The following NECTIN1 variants were observed in gnomAD, a reference collection of about 807,000 sequenced individuals.
The protein encoded by NECTIN1 is nectin cell adhesion molecule 1.
NECTIN1 carries 23 observed loss-of-function variants against 48.0 expected under a neutral mutation model. That is an observed-to-expected ratio of 0.48 (90% CI 0.34 to 0.68). The LOEUF (loss-of-function observed/expected upper bound fraction) is 0.68. Ranked by LOEUF, NECTIN1 falls within the 30% of genes least tolerant of loss-of-function variation. The pLI is 0.01. For missense variants in NECTIN1, 591 were observed against 709.9 expected (o/e 0.83, Z 1.90); for synonymous variants, 270 against 288.9 (o/e 0.93, Z 0.66).
At chr11:119,654,548 G>A (rs1428594228) in intron 5 of NECTIN1, among the ~76,000 whole-genome samples, 1 of 14,874 alleles carries the variant, frequency 6.7e-5, no homozygotes, top group Non-Finnish European at 1.9e-4. Context: ...ATGTGTGTGT[G>A]CGTGTGTGTG....
intron 5 of NECTIN1, chr11:119,674,376 A>T: frequency 6.8e-7 from 1 of 1,473,534 alleles, no homozygotes; most frequent in Admixed American, 2.3e-5. Flanking sequence ...AATGATGATG[A>T]TGGAGGTCAG....
Position 119,662,092 on chromosome 11 carries a change from AG to A in NECTIN1, c.*2654del. 1 of 985,498 alleles carries A rather than the reference AG, an allele frequency of 1.0e-6. No individual in the cohort carries two copies. The highest frequency in any genetic ancestry group is 1.2e-6 in the Non-Finnish European group (1 of 829,952). 61.0% of individuals were successfully genotyped at this position (985,498 alleles called of 1,614,324 possible). On this transcript the variant is annotated 3_prime_UTR_variant, in exon 6 of 6. Transcript: ENST00000264025. This position sits in a 1 kb window ranked among gnomAD's most constrained non-coding sequence, Gnocchi z 5.3. ...GGGCAAGGACAGGGAGGGCAACAAG[AG>A]GCAGGATGACAACTGGGGAGGCCTT...
rs1020887072 is a variant in NECTIN1 at position 119,727,793 on chromosome 11, G to A, written c.79+682C>T. On this transcript the variant is annotated intron_variant, in intron 1 of 5. Coordinates refer to ENST00000264025, the MANE Select transcript of NECTIN1 (RefSeq NM_002855.5). The surrounding 1 kb of genome is among the most constrained non-coding windows in gnomAD (Gnocchi z 4.1). Reference sequence around the variant, plus strand: ...ACTTGGATGGCAGGAAGCCCGCGGTGTCTCCTCCAGGGAGAGCCCCCAGAG... The same window carrying A: ...ACTTGGATGGCAGGAAGCCCGCGGTATCTCCTCCAGGGAGAGCCCCCAGAG... 1.1e-4 allele frequency among the ~76,000 whole-genome samples: 17 copies of A among 152,226 alleles called. No homozygotes were observed. Among genetic ancestry groups the A allele is most frequent in the Non-Finnish European group, 2.2e-4 (15 of 68,034 alleles).
At chr11:119,718,039 G>T (rs1343242840) in intron 1 of NECTIN1, among the ~76,000 whole-genome samples, 1 of 152,232 alleles carries the variant, frequency 6.6e-6, no homozygotes, top group African/African-American at 2.4e-5. Flanking sequence ...TCGCTTTGGC[G>T]TCGACACAGA....
intron 1 of NECTIN1, among the ~76,000 whole-genome samples, chr11:119,689,974 A>G (rs918487344): frequency 2.0e-5 from 3 of 152,256 alleles, no homozygotes; most frequent in East Asian, 1.9e-4. Context: ...TCTGGACCCA[A>G]TGAGCGATAC....
chr11:119,638,247 C>G, exon 8 of NECTIN1: 1 of 1,614,014 alleles, frequency 6.2e-7, no homozygotes, highest in Non-Finnish European at 8.5e-7. Context: ...AGGTGGACAA[C>G]CTGGAAGAGA....
At chr11:119,708,699 G>A (rs951139804) in intron 1 of NECTIN1, among the ~76,000 whole-genome samples, 3 of 152,094 alleles carry the variant, frequency 2.0e-5, no homozygotes, top group African/African-American at 4.8e-5. Flanking sequence ...CAGTGGTGAC[G>A]GCCTATTGTG....
chr11:119,699,639 G>A (rs908963237), intron 1 of NECTIN1, among the ~76,000 whole-genome samples: 1 of 152,238 alleles, frequency 6.6e-6, no homozygotes, highest in African/African-American at 2.4e-5. Context: ...ACATGCAAGG[G>A]AGAGTGGCAG....
intron 5 of NECTIN1, among the ~76,000 whole-genome samples, chr11:119,669,171 G>C (rs1864824745): frequency 6.6e-6 from 1 of 152,192 alleles, no homozygotes; most frequent in African/African-American, 2.4e-5. Flanking sequence ...CAGCACTTTG[G>C]GAGGCCGAGG....
chr11:119,699,334 G>A (rs888952008), intron 1 of NECTIN1, among the ~76,000 whole-genome samples: 4 of 149,808 alleles, frequency 2.7e-5, no homozygotes, highest in African/African-American at 2.5e-5. Context: ...TAAGAGTTCC[G>A]ACTGTCCTCA....
chr11:119,675,623 C>A, intron 4 of NECTIN1: 1 of 329,954 alleles, frequency 3.0e-6, no homozygotes, highest in Non-Finnish European at 5.8e-6. Context: ...GAGCTCCAGC[C>A]AATTCTCGGG....
chr11:119,661,942 G>A lies in NECTIN1; in HGVS notation c.*2805C>T, dbSNP rs1864674016. 7 of 985,352 alleles carry A rather than the reference G, an allele frequency of 7.1e-6. No homozygotes were observed. The highest frequency in any genetic ancestry group is 8.4e-6 in the Non-Finnish European group (7 of 829,926). 61.0% of individuals were successfully genotyped at this position (985,352 alleles called of 1,614,324 possible). A position where few individuals can be genotyped will look rare whatever the true frequency, so the allele number is the denominator to read the frequency against. ...CTGAGGTGGTCGCACTTGCAGGCCT[G>A]TGTTCACCTACTCTGTGCTGCTGCT... On this transcript the variant is annotated 3_prime_UTR_variant, in exon 6 of 6. Coordinates refer to ENST00000264025, the MANE Select transcript of NECTIN1 (RefSeq NM_002855.5).
chr11:119,716,823 AG>A (rs1344565466), intron 1 of NECTIN1, among the ~76,000 whole-genome samples: 1 of 152,240 alleles, frequency 6.6e-6, no homozygotes, highest in African/African-American at 2.4e-5. Context: ...TGGCGATCAG[AG>A]TCTAATCAGA....
At chr11:119,706,710 A>C (rs1865553383) in intron 1 of NECTIN1, among the ~76,000 whole-genome samples, 1 of 152,196 alleles carries the variant, frequency 6.6e-6, no homozygotes, top group South Asian at 2.1e-4. Context: ...ATTCCTTCAA[A>C]CTGGAGACCC....
chr11:119,693,917 C>T (rs770616660), intron 1 of NECTIN1, among the ~76,000 whole-genome samples: 4 of 152,166 alleles, frequency 2.6e-5, no homozygotes, highest in Admixed American at 1.3e-4. Context: ...CTAATGACTC[C>T]TCACTCAGAA....
intron 6 of NECTIN1, chr11:119,639,728 T>C: frequency 1.7e-6 from 2 of 1,170,302 alleles, no homozygotes; most frequent in African/African-American, 3.0e-5. Flanking sequence ...AAAGGGTTAG[T>C]TCCTGGTCCC....
intron 6 of NECTIN1, chr11:119,639,710 T>C: frequency 3.1e-6 from 3 of 970,088 alleles, no homozygotes. Context: ...GGGTCAGCTC[T>C]TCCTGCCAAA....
At chr11:119,687,571 G>C (rs1289748563) in intron 1 of NECTIN1, among the ~76,000 whole-genome samples, 1 of 152,206 alleles carries the variant, frequency 6.6e-6, no homozygotes, top group African/African-American at 2.4e-5. Context: ...CCCTCGGCAA[G>C]TGTGCATTTT....
At chr11:119,714,155 G>A (rs1005534771) in intron 1 of NECTIN1, among the ~76,000 whole-genome samples, 11 of 152,146 alleles carry the variant, frequency 7.2e-5, no homozygotes, top group Non-Finnish European at 1.3e-4. Context: ...GCAGCCTCTG[G>A]GTGGGCCCCT....
Sources: gnomAD v4.1 joint callset for allele counts (sites outside exome capture counted in the v4.1 genomes callset) on GRCh38, gnomAD v4.1.1 for gene constraint, Gnocchi (gnomAD v3.1) non-coding constraint, MANE v1.5 for transcripts, NCBI Gene and HGNC (gene_info 2026-07-23, HGNC 2026-07-21) for gene names.